Variants in TBC1D14 observed in about 807,000 individuals in gnomAD.
TBC1D14 encodes TBC1 domain family, member 14.
A neutral mutation model predicts 79.0 loss-of-function variants in TBC1D14; 26 were observed. The ratio of observed to expected loss-of-function variants is 0.33; its 90% CI spans 0.24 to 0.46. TBC1D14 has a LOEUF of 0.46. Among genes scored for constraint, TBC1D14 ranks in the 20% least tolerant of loss-of-function variants. The pLI is 1.00. For synonymous variants in TBC1D14, 394 were observed against 349.9 expected (o/e 1.13, Z -1.40); for missense variants, 769 against 887.6 (o/e 0.87, Z 1.70).
Position 6,913,195 on chromosome 4 carries a change from A to G in TBC1D14, c.-18+3244A>G, listed in dbSNP as rs1456146559. Reference sequence around the variant, plus strand: ...TTTTTAGTGGAGACAGGGTTTTGCTATATTGGCCAGGCTGGTTTTGAACCC... The same window carrying G: ...TTTTTAGTGGAGACAGGGTTTTGCTGTATTGGCCAGGCTGGTTTTGAACCC... On this transcript the variant is annotated intron_variant, in intron 1 of 13. Transcript: ENST00000409757. Among the ~76,000 whole-genome samples the G allele has an allele frequency of 2.6e-5, 4 of 152,118 alleles. No homozygotes were observed. In the East Asian group the frequency reaches 5.8e-4, roughly 22 times the overall value.
chr4:6,964,232 A>T (rs1179776568), intron 2 of TBC1D14, among the ~76,000 whole-genome samples: 3 of 152,046 alleles, frequency 2.0e-5, no homozygotes, highest in African/African-American at 7.2e-5. Flanking sequence ...AGTGAATAAC[A>T]CTCCAGCTTG....
At chr4:7,021,298 T>C (rs1300405946) in intron 12 of TBC1D14, among the ~76,000 whole-genome samples, 1 of 152,240 alleles carries the variant, frequency 6.6e-6, no homozygotes, top group African/African-American at 2.4e-5. Flanking sequence ...TTTAGCGACA[T>C]AGAAATATAT....
chr4:7,014,262 G>C (rs1293614566), intron 11 of TBC1D14, among the ~76,000 whole-genome samples, 186 bp from the exon 12 acceptor site: 1 of 152,196 alleles, frequency 6.6e-6, no homozygotes, highest in East Asian at 1.9e-4. Flanking sequence ...TGATGTCATT[G>C]TGAAGATTAG....
intron 3 of TBC1D14, among the ~76,000 whole-genome samples, chr4:6,967,835 C>T (rs1020736005): frequency 2.0e-5 from 3 of 152,154 alleles, no homozygotes; most frequent in East Asian, 1.9e-4. Context: ...GACAGGAAGG[C>T]GAGGGCCGAC....
chr4:6,927,951 A>AC (rs1370582534), intron 2 of TBC1D14, among the ~76,000 whole-genome samples: 3 of 151,942 alleles, frequency 2.0e-5, no homozygotes, highest in African/African-American at 7.2e-5. Context: ...TTATTTAGAA[A>AC]CCCAGACAGC....
chr4:6,965,651 G>A (rs1174578026), intron 2 of TBC1D14, among the ~76,000 whole-genome samples: 1 of 152,084 alleles, frequency 6.6e-6, no homozygotes, highest in Admixed American at 6.5e-5. Flanking sequence ...CAATGATATC[G>A]CCTTAGCCTC....
intron 1 of TBC1D14, among the ~76,000 whole-genome samples, chr4:6,921,788 C>T (rs1415133705): frequency 6.6e-6 from 1 of 151,282 alleles, no homozygotes; most frequent in East Asian, 1.9e-4. Context: ...CCTCCACCTC[C>T]TGGGTTCAAG....
chr4:7,001,405 G>C, intron 7 of TBC1D14, 154 bp downstream of exon 7: 1 of 652,244 alleles, frequency 1.5e-6, no homozygotes, highest in Non-Finnish European at 2.7e-6. Context: ...AGGGGCAGTT[G>C]GGAGGCCTGG....
At chr4:6,920,241 T>C (rs1461528628) in intron 1 of TBC1D14, among the ~76,000 whole-genome samples, 1 of 151,830 alleles carries the variant, frequency 6.6e-6, no homozygotes, top group Non-Finnish European at 1.5e-5. Flanking sequence ...CTTCAATCTC[T>C]GGGAAGGAGG....
intron 2 of TBC1D14, among the ~76,000 whole-genome samples, chr4:6,941,420 A>G (rs1011195148): frequency 5.9e-5 from 9 of 152,156 alleles, no homozygotes; most frequent in African/African-American, 1.9e-4. Context: ...TCCGGAGCTC[A>G]GGTGATTTGC....
At chr4:7,008,353 A>G (rs1720417392) in intron 9 of TBC1D14, among the ~76,000 whole-genome samples, 1 of 152,242 alleles carries the variant, frequency 6.6e-6, no homozygotes, top group South Asian at 2.1e-4. Context: ...ACTAAAAGAA[A>G]GCAAAGAACA....
chr4:6,932,724 A>G (rs1412377284), intron 2 of TBC1D14, among the ~76,000 whole-genome samples: 4 of 152,172 alleles, frequency 2.6e-5, no homozygotes, highest in South Asian at 4.1e-4. Flanking sequence ...CCTGGGCTCA[A>G]AAGGTCATCC....
At chr4:6,935,478 G>A (rs1357177177) in intron 2 of TBC1D14, among the ~76,000 whole-genome samples, 1 of 152,046 alleles carries the variant, frequency 6.6e-6, no homozygotes, top group East Asian at 1.9e-4. Context: ...AGGTAGATGG[G>A]GAGGAGGGTG....
At chr4:7,002,646 C>G (rs1560334159) in intron 7 of TBC1D14, among the ~76,000 whole-genome samples, 1 of 152,274 alleles carries the variant, frequency 6.6e-6, no homozygotes, top group South Asian at 2.1e-4. Flanking sequence ...GAAGCTGGGC[C>G]CTCACCTGCT....
At chr4:6,954,016 G>A (rs889007396) in intron 2 of TBC1D14, among the ~76,000 whole-genome samples, 3 of 152,186 alleles carry the variant, frequency 2.0e-5, no homozygotes, top group African/African-American at 7.2e-5. Flanking sequence ...GGCATGTGGT[G>A]CGGAGCCGTG....
At chr4:6,980,631 G>A (rs1003543280) in intron 3 of TBC1D14, among the ~76,000 whole-genome samples, 1 of 151,428 alleles carries the variant, frequency 6.6e-6, no homozygotes, top group Non-Finnish European at 1.5e-5. Context: ...CTGACAAAAA[G>A]AGAATAAAAT....
At chr4:6,963,165 T>G (rs1393229182) in intron 2 of TBC1D14, among the ~76,000 whole-genome samples, 2 of 152,210 alleles carry the variant, frequency 1.3e-5, no homozygotes, top group East Asian at 3.9e-4. Context: ...CGAGGGCAAG[T>G]GCGAGGACTT....
intron 11 of TBC1D14, 130 bp downstream of exon 11, chr4:7,010,911 C>A: frequency 1.8e-6 from 2 of 1,136,558 alleles, no homozygotes; most frequent in Non-Finnish European, 2.5e-6. Flanking sequence ...GAGTAAGCAG[C>A]ACTGTAAGGT....
chr4:6,915,359 T>G (rs4234787), intron 1 of TBC1D14, among the ~76,000 whole-genome samples: 85,930 of 152,020 alleles, frequency 0.57, 25,364 homozygotes, highest in South Asian at 0.77. Context: ...GGTAGGGGGT[T>G]GGGGGTCACT....
Sources: allele counts gnomAD v4.1 joint callset (sites outside exome capture counted in the v4.1 genomes callset), GRCh38; gene constraint gnomAD v4.1.1; transcripts MANE v1.5; gene names NCBI Gene and HGNC (gene_info 2026-07-23, HGNC 2026-07-21).